The following PWWP2A variants were observed in gnomAD, a reference collection of about 807,000 sequenced individuals.
The protein encoded by PWWP2A is PWWP domain-containing protein 2A.
In PWWP2A, 18 loss-of-function variants were observed where a neutral mutation model predicts 48.5. The ratio of observed to expected loss-of-function variants is 0.37; its 90% CI spans 0.26 to 0.55. PWWP2A has a LOEUF of 0.55. PWWP2A is among the 20% of genes least tolerant of loss of function. PWWP2A has a pLI of 0.81. For synonymous variants in PWWP2A, 396 were observed against 387.7 expected, an observed-to-expected ratio of 1.02 and a Z score of -0.25; for missense variants, 867 against 976.4, an observed-to-expected ratio of 0.89 and a Z score of 1.49.
At chr5:160,089,475 C>T, downstream of PWWP2A, 2 of 1,188,910 alleles carry the variant, frequency 1.7e-6, no homozygotes, top group South Asian at 1.4e-5. Context: ...GCCTTCCAAA[C>T]TTCTAGGAAT....
chr5:160,062,933 C>T (rs1753468908), intron 5 of PWWP2A, among the ~76,000 whole-genome samples: 1 of 152,156 alleles, frequency 6.6e-6, no homozygotes, highest in African/African-American at 2.4e-5. Flanking sequence ...GTTGTGAGCC[C>T]CTCCCTCTAC....
At chr5:160,109,397 T>A (rs1438875375) in intron 1 of PWWP2A, among the ~76,000 whole-genome samples, 1 of 152,050 alleles carries the variant, frequency 6.6e-6, no homozygotes, top group African/African-American at 2.4e-5. Flanking sequence ...ATTTTTCACT[T>A]TTTTCCCCCC....
chr5:160,081,085 GCTAA>G (rs1194229898), intron 2 of PWWP2A, among the ~76,000 whole-genome samples: 1 of 152,086 alleles, frequency 6.6e-6, no homozygotes, highest in East Asian at 1.9e-4. Context: ...AAGGGGAAAT[GCTAA>G]CTCACACTGG....
chr5:160,073,075 A>T (rs1581144503), downstream of PWWP2A, among the ~76,000 whole-genome samples: 1 of 151,294 alleles, frequency 6.6e-6, no homozygotes. Flanking sequence ...GCTGAGTAGG[A>T]ACTGAAGAGC....
At chr5:160,074,474 A>C (rs1026850789), downstream of PWWP2A, among the ~76,000 whole-genome samples, 3 of 150,766 alleles carry the variant, frequency 2.0e-5, no homozygotes, top group African/African-American at 7.3e-5. Flanking sequence ...AAGTCCAGGC[A>C]CAGTTGTTCA....
the PWWP2A span, among the ~76,000 whole-genome samples, chr5:160,047,166 A>T: frequency 6.6e-6 from 1 of 152,088 alleles, no homozygotes; most frequent in Non-Finnish European, 1.5e-5. Context: ...TCTGACTTCT[A>T]CCCTGTAGTC....
chr5:160,104,883 G>C (rs1378028667), intron 1 of PWWP2A, among the ~76,000 whole-genome samples: 4 of 151,950 alleles, frequency 2.6e-5, no homozygotes, highest in Non-Finnish European at 4.4e-5. Flanking sequence ...TTACAAAGAA[G>C]AACACAAAAA....
intron 2 of PWWP2A, among the ~76,000 whole-genome samples, chr5:160,069,581 G>A (rs916050625): frequency 6.6e-6 from 1 of 152,168 alleles, no homozygotes; most frequent in Non-Finnish European, 1.5e-5. Flanking sequence ...CATTCTGTAG[G>A]CTGAGCACAG....
chr5:160,083,753 CAAG>C (rs2113482773), intron 2 of PWWP2A, among the ~76,000 whole-genome samples: 1 of 152,268 alleles, frequency 6.6e-6, no homozygotes, highest in African/African-American at 2.4e-5. Context: ...CATTCATTCA[CAAG>C]AAGACAATCA....
chr5:160,062,859 C>A, intron 5 of PWWP2A, among the ~76,000 whole-genome samples: 1 of 152,112 alleles, frequency 6.6e-6, no homozygotes. Flanking sequence ...AACAAACTGC[C>A]AGCGTTCCTG....
chr5:160,093,052 G>A lies in PWWP2A; in HGVS notation c.1598C>T (p.Ala533Val). 6.2e-7 allele frequency: 1 copy of A among 1,610,922 alleles called. No individual in the cohort carries two copies. Among genetic ancestry groups the A allele is most frequent in the Non-Finnish European group, 8.5e-7 (1 of 1,178,720 alleles). ...NQSPSKGPEE[A>V]SSEVQDTNEV... is the part of the protein sequence containing the mutation. ...ATTTGTGTCCTGAACCTCACTGCTGGCCTCTTCAGGGCCTTTTGAGGGACT... is the reference window on the plus strand; with the variant it reads ...ATTTGTGTCCTGAACCTCACTGCTGACCTCTTCAGGGCCTTTTGAGGGACT... The change falls in exon 2 of 2, where the codon GCC (alanine) becomes GTC (valine). Residue 533 changes from alanine to valine, a missense_variant. Around this residue, in one of 4 missense-constraint regions of PWWP2A, gnomAD observed 382 missense variants for 407.2 expected, o/e 0.94. Coordinates refer to ENST00000307063, the MANE Select transcript of PWWP2A (RefSeq NM_001130864.2). This position sits in a 1 kb window ranked among gnomAD's most constrained non-coding sequence, Gnocchi z 5.8.
At chr5:160,094,421 T>C (rs955625354) in intron 1 of PWWP2A, among the ~76,000 whole-genome samples, 2 of 152,244 alleles carry the variant, frequency 1.3e-5, no homozygotes, top group Non-Finnish European at 2.9e-5. Flanking sequence ...TTTCAGTAAA[T>C]GCAGCTACAA....
At chr5:160,086,242 GCA>G (rs1754626939) in intron 2 of PWWP2A, among the ~76,000 whole-genome samples, 2 of 152,020 alleles carry the variant, frequency 1.3e-5, no homozygotes, top group Non-Finnish European at 2.9e-5. Context: ...ATTTAGCTGG[GCA>G]CAGTGGCTCA....
chr5:160,082,205 G>A (rs1416075583), intron 2 of PWWP2A, among the ~76,000 whole-genome samples: 2 of 152,154 alleles, frequency 1.3e-5, no homozygotes, highest in Non-Finnish European at 2.9e-5. Context: ...AGCACTTTGG[G>A]AGGCCGAGGC....
In PWWP2A at chr5:160,118,863, C is replaced by A; in HGVS notation, c.526G>T (p.Val176Leu). ...LDHIIEDALVVSFRFGEKLFS... is the reference protein window; with the variant it reads ...LDHIIEDALVLSFRFGEKLFS... ...AGCTTCTCCCCGAAGCGGAACGACA[C>A]GACAAGCGCGTCCTCAATGATGTGG... is the stretch of plus-strand genomic sequence containing the variant. Residue 176 changes from valine to leucine, a missense_variant, in exon 1 of 2, where the codon GTG becomes TTG. Coordinates refer to ENST00000307063, the MANE Select transcript of PWWP2A (RefSeq NM_001130864.2). 1 of 1,593,916 alleles carries A rather than the reference C, an allele frequency of 6.3e-7. No individual in the cohort carries two copies. The highest frequency in any genetic ancestry group is 8.5e-7 in the Non-Finnish European group (1 of 1,171,762).
At chr5:160,114,678 A>C (rs1314934277) in intron 1 of PWWP2A, among the ~76,000 whole-genome samples, 1 of 147,068 alleles carries the variant, frequency 6.8e-6, no homozygotes, top group East Asian at 2.0e-4. Flanking sequence ...CGGAACAATC[A>C]CTTAAACCCA....
downstream of PWWP2A, among the ~76,000 whole-genome samples, chr5:160,071,982 TCTC>T (rs1753749931): frequency 6.6e-6 from 1 of 152,158 alleles, no homozygotes; most frequent in Admixed American, 6.5e-5. Flanking sequence ...CTTAGTCAAA[TCTC>T]CTTGAAGTGA....
chr5:160,046,150 C>T, the PWWP2A span, among the ~76,000 whole-genome samples: 1 of 152,190 alleles, frequency 6.6e-6, no homozygotes, highest in South Asian at 2.1e-4. Context: ...ACTTGGCTGT[C>T]TCTACTTTGT....
At chr5:160,097,416 G>T (rs892760256) in intron 1 of PWWP2A, among the ~76,000 whole-genome samples, 1 of 149,712 alleles carries the variant, frequency 6.7e-6, no homozygotes, top group Admixed American at 6.7e-5. Flanking sequence ...GGAGGCCTGA[G>T]GTCAGGAGTT....
Sources: allele counts gnomAD v4.1 joint callset (sites outside exome capture counted in the v4.1 genomes callset), GRCh38; gene constraint gnomAD v4.1.1; regional missense constraint gnomAD v4.1.1; non-coding constraint Gnocchi (gnomAD v3.1); transcripts MANE v1.5; gene names NCBI Gene and HGNC (gene_info 2026-07-23, HGNC 2026-07-21).